Variants in HGF observed in about 807,000 individuals in gnomAD.
HGF encodes fibroblast-derived tumor cytotoxic factor.
In HGF, 39 loss-of-function variants were observed where a neutral mutation model predicts 111.6. The ratio of observed to expected loss-of-function variants is 0.35; its 90% CI spans 0.27 to 0.46. The LOEUF (loss-of-function observed/expected upper bound fraction) is 0.46, where lower values mean the gene tolerates loss of function less well. HGF is among the 20% of genes least tolerant of loss of function. The pLI, the probability that HGF is intolerant of heterozygous loss-of-function variation, is 1.00. For synonymous variants in HGF, 285 were observed against 294.8 expected, an observed-to-expected ratio of 0.97 and a Z score of 0.34; for missense variants, 735 against 910.5, an observed-to-expected ratio of 0.81 and a Z score of 2.48.
chr7:81,738,959 T>C (rs1485711405), intron 7 of HGF, among the ~76,000 whole-genome samples: 1 of 152,142 alleles, frequency 6.6e-6, no homozygotes, highest in East Asian at 1.9e-4. Context: ...TGCCCAAGGC[T>C]TTTGCTATCC....
At chr7:81,769,794 G>C in intron 1 of HGF, 90 bp downstream of exon 1, 1 of 933,358 alleles carries the variant, frequency 1.1e-6, no homozygotes, top group East Asian at 2.6e-5. Context: ...GCTGGGAATA[G>C]GGTAAAAAGA....
chr7:81,757,151 GAC>G, intron 4 of HGF, 36 bp downstream of exon 4: 5 of 1,019,772 alleles, frequency 4.9e-6, no homozygotes, highest in Non-Finnish European at 7.8e-6. Flanking sequence ...ATGTAAAAAA[GAC>G]AGAGGCTTCA....
intron 8 of HGF, among the ~76,000 whole-genome samples, chr7:81,727,138 T>C (rs1486360230): frequency 3.3e-5 from 5 of 151,708 alleles, no homozygotes. Flanking sequence ...CCTCCCAGGT[T>C]CACGCCATTC....
At chr7:81,744,578 C>T (rs560346380) in intron 6 of HGF, among the ~76,000 whole-genome samples, 9 of 152,220 alleles carry the variant, frequency 5.9e-5, no homozygotes, top group African/African-American at 2.2e-4. Flanking sequence ...GTAACAATAC[C>T]TCTAATCACA....
intron 8 of HGF, among the ~76,000 whole-genome samples, chr7:81,727,187 C>T (rs5015839): frequency 0.73 from 109,077 of 149,992 alleles, 40,917 homozygotes; most frequent in Middle Eastern, 0.87. Flanking sequence ...ATTACAGGTG[C>T]CTGCCACCAC....
chr7:81,736,567 A>T (rs1218460962), intron 7 of HGF, among the ~76,000 whole-genome samples: 1 of 152,120 alleles, frequency 6.6e-6, no homozygotes, highest in Non-Finnish European at 1.5e-5. Context: ...GGGAGCTCAA[A>T]TGAAGGAGCT....
intron 7 of HGF, among the ~76,000 whole-genome samples, chr7:81,740,949 T>G (rs1787979470): frequency 6.6e-6 from 1 of 152,160 alleles, no homozygotes; most frequent in Non-Finnish European, 1.5e-5. Context: ...GCCTCTAAGG[T>G]TTTGGTAATT....
intron 7 of HGF, among the ~76,000 whole-genome samples, chr7:81,732,261 A>T (rs1787688624): frequency 6.6e-6 from 1 of 152,174 alleles, no homozygotes; most frequent in African/African-American, 2.4e-5. Context: ...CCAGATACCA[A>T]TCAAGACAAT....
Position 81,762,752 on chromosome 7 carries a change from C to T in HGF, c.209G>A (p.Cys70Tyr), listed in dbSNP as rs1214561171. Residue 70 changes from cysteine to tyrosine, a missense_variant, in exon 2 of 18, where the codon TGT (cysteine) becomes TAT (tyrosine). By Grantham distance (194) the Cys-to-Tyr change is radical. Around this residue, in one of 3 missense-constraint regions of HGF, gnomAD observed 553 missense variants for 685.6 expected, o/e 0.81. Coordinates refer to ENST00000222390, the MANE Select transcript of HGF (RefSeq NM_000601.6). ...KTKKVNTADQ[C>Y]ANRCTRNKGL... The stretch of plus-strand genomic sequence containing the variant: ...TTTATTCCTAGTACATCTATTAGCA[C>T]ATTGGTCTGCAGTATTCACTTTTTT... The T allele has an allele frequency of 6.2e-7, 1 of 1,612,546 alleles. No individual in the cohort carries two copies.
intron 1 of HGF, among the ~76,000 whole-genome samples, chr7:81,768,981 A>T (rs1789500029): frequency 6.6e-6 from 1 of 152,088 alleles, no homozygotes; most frequent in African/African-American, 2.4e-5. Flanking sequence ...TCTCTTTTTT[A>T]TATTGTAAAA....
rs140514798 is a variant in HGF, at chr7:81,766,463, G to A, written c.88+3421C>T. Among the ~76,000 whole-genome samples the A allele has an allele frequency of 2.4e-3, 365 of 152,270 alleles. 1 individual carries two copies. The highest frequency in any genetic ancestry group is 3.4e-3 in the Non-Finnish European group (231 of 68,016). ...ATTTCAAATAGAAGTCTAAATTTTC[G>A]TTGTTATTATCTAAGACATGGATTT... On this transcript the variant is annotated intron_variant, in intron 1 of 17. Transcript: ENST00000222390.
intron 11 of HGF, among the ~76,000 whole-genome samples, chr7:81,712,150 G>A (rs1459182844): frequency 1.3e-5 from 2 of 152,016 alleles, no homozygotes; most frequent in Non-Finnish European, 2.9e-5. Flanking sequence ...CTTCATCAAG[G>A]AGCTGCCTCG....
At chr7:81,751,093 A>G in intron 5 of HGF, 9 of 971,978 alleles carry the variant, frequency 9.3e-6, no homozygotes, top group Non-Finnish European at 1.1e-5. Flanking sequence ...AGCTAACAGT[A>G]GCCTTTACTT....
In HGF at chr7:81,762,813, G is replaced by C. The variant is rs1789157474; in HGVS notation, c.148C>G (p.Leu50Val). 6.2e-7 allele frequency: 1 copy of C among 1,601,070 alleles called. No homozygotes were observed. Among genetic ancestry groups the C allele is most frequent in the Non-Finnish European group, 8.6e-7 (1 of 1,168,568 alleles). ...TTCAGTGCTGGATCTATTTTGATTA[G>C]GGTAGTCTTTGCTGATTTTTTGAAT... ...HEFKKSAKTT[L>V]IKIDPALKIK... is the part of the protein sequence containing the mutation. Residue 50 changes from leucine (L) to valine (V), a missense_variant, in exon 2 of 18, where the codon CTA becomes GTA. Leu to Val is a conservative substitution (Grantham distance 32, BLOSUM62 1). Transcript: ENST00000222390.
At chr7:81,722,624 T>A (rs1031031198) in intron 9 of HGF, among the ~76,000 whole-genome samples, 13 of 149,542 alleles carry the variant, frequency 8.7e-5, no homozygotes, top group Non-Finnish European at 1.3e-4. Context: ...ACCAGCCTGG[T>A]CAACATGGTG....
chr7:81,702,799 A>T (rs759739553), intron 17 of HGF, 42 bp from the exon 18 acceptor site: 187 of 1,510,940 alleles, frequency 1.2e-4, no homozygotes, highest in Middle Eastern at 1.0e-3. Flanking sequence ...ATTAGGAATT[A>T]AAAAAAAGCT....
At chr7:81,743,268 G>T in intron 7 of HGF, 85 bp downstream of exon 7, 1 of 837,504 alleles carries the variant, frequency 1.2e-6, no homozygotes, top group Non-Finnish European at 2.1e-6. Flanking sequence ...AAGTTAAATA[G>T]TTGTTAACCT....
intron 4 of HGF, among the ~76,000 whole-genome samples, chr7:81,752,791 A>G (rs1308041531): frequency 6.6e-6 from 1 of 152,072 alleles, no homozygotes; most frequent in Non-Finnish European, 1.5e-5. Context: ...TCTGGGCTGA[A>G]ACTTCAGCTC....
At chr7:81,722,884 G>C (rs887391962) in intron 9 of HGF, among the ~76,000 whole-genome samples, 8 of 132,354 alleles carry the variant, frequency 6.0e-5, no homozygotes, top group Non-Finnish European at 1.3e-4. Context: ...AATTTAAAAA[G>C]AATTATTCTA....
Sources: allele counts gnomAD v4.1 joint callset (sites outside exome capture counted in the v4.1 genomes callset), GRCh38; gene constraint gnomAD v4.1.1; regional missense constraint gnomAD v4.1.1; transcripts MANE v1.5; gene names NCBI Gene and HGNC (gene_info 2026-07-23, HGNC 2026-07-21).